RAD51B: variants seen among roughly 807,000 people sequenced by gnomAD.
The protein encoded by RAD51B is RAD51 paralog B.
In RAD51B, 38 loss-of-function variants were observed where a neutral mutation model predicts 42.2. The observed-to-expected ratio is 0.90, with a 90% CI of 0.70 to 1.18. RAD51B has a LOEUF of 1.18. Ranked by LOEUF, RAD51B falls within the 50% of genes most tolerant of loss-of-function variation. The pLI is 0.00. For synonymous variants in RAD51B, 154 were observed against 145.2 expected (o/e 1.06, Z -0.43); for missense variants, 373 against 400.7 (o/e 0.93, Z 0.59).
Position 68,462,509 on chromosome 14 carries a change from G to A in RAD51B, c.958-5663G>A, listed in dbSNP as rs555923606. 6.6e-5 allele frequency among the ~76,000 whole-genome samples: 10 copies of A among 152,316 alleles called. No individual in the cohort carries two copies. In the South Asian group the frequency reaches 2.1e-3, roughly 32 times the overall value. On this transcript the variant is annotated intron_variant, in intron 9 of 10. Coordinates refer to ENST00000471583, the MANE Select transcript of RAD51B (RefSeq NM_133510.4). ...GTAGTGGGATTGGGGATCCAGCATCGAGTACATATTGGATATACCTTAAAT... is the reference window on the plus strand; with the variant it reads ...GTAGTGGGATTGGGGATCCAGCATCAAGTACATATTGGATATACCTTAAAT...
At chr14:68,044,553 G>A (rs992168895) in intron 7 of RAD51B, among the ~76,000 whole-genome samples, 1 of 152,198 alleles carries the variant, frequency 6.6e-6, no homozygotes, top group African/African-American at 2.4e-5. Flanking sequence ...AATTTTTTTA[G>A]ATTTTGGTCA....
intron 11 of RAD51B, among the ~76,000 whole-genome samples, chr14:68,675,818 C>G (rs1893291048): frequency 6.6e-6 from 1 of 152,174 alleles, no homozygotes; most frequent in South Asian, 2.1e-4. Context: ...TCTTTATCTT[C>G]TCCCTGCTCC....
At chr14:68,359,890 A>G (rs547841703) in intron 8 of RAD51B, among the ~76,000 whole-genome samples, 14 of 152,232 alleles carry the variant, frequency 9.2e-5, no homozygotes, top group African/African-American at 3.4e-4. Flanking sequence ...AGGAAAAAAA[A>G]TTTGTCTACT....
At chr14:68,395,984 C>T (rs749083320) in intron 8 of RAD51B, among the ~76,000 whole-genome samples, 5 of 152,040 alleles carry the variant, frequency 3.3e-5, no homozygotes, top group Non-Finnish European at 5.9e-5. Flanking sequence ...AAGGATGTAC[C>T]AAGAATCCAC....
chr14:67,865,237 T>C, intron 5 of RAD51B, 98 bp downstream of exon 5: 2 of 1,157,722 alleles, frequency 1.7e-6, no homozygotes, highest in Non-Finnish European at 1.1e-6. Context: ...CCCCTCCCCC[T>C]TGCCTTTTTT....
chr14:68,615,910 A>C (rs533694610), downstream of RAD51B, among the ~76,000 whole-genome samples: 2 of 152,328 alleles, frequency 1.3e-5, no homozygotes, highest in South Asian at 4.1e-4. Context: ...TTACAAGTAC[A>C]TGTAACATAC....
chr14:68,168,215 G>A (rs2078793717), intron 7 of RAD51B, among the ~76,000 whole-genome samples: 2 of 152,132 alleles, frequency 1.3e-5, no homozygotes, highest in South Asian at 4.1e-4. Flanking sequence ...AAATTTAATA[G>A]AAATGGATCT....
chr14:67,951,523 G>C (rs1399181362), intron 7 of RAD51B, among the ~76,000 whole-genome samples: 1 of 152,164 alleles, frequency 6.6e-6, no homozygotes, highest in Non-Finnish European at 1.5e-5. Flanking sequence ...TTAAGCAGAA[G>C]AGTAACAGTA....
chr14:67,985,769 G>T (rs1013801178), intron 7 of RAD51B, among the ~76,000 whole-genome samples: 1 of 152,080 alleles, frequency 6.6e-6, no homozygotes, highest in African/African-American at 2.4e-5. Flanking sequence ...AATTAGCTTG[G>T]TGTGGTGGTG....
intron 7 of RAD51B, among the ~76,000 whole-genome samples, chr14:67,926,027 G>A (rs904496096): frequency 6.6e-6 from 1 of 152,182 alleles, no homozygotes; most frequent in Non-Finnish European, 1.5e-5. Context: ...CTCCTGGCCT[G>A]CGGTAGGAGG....
intron 7 of RAD51B, among the ~76,000 whole-genome samples, chr14:68,072,042 T>TATATATATATATATATATATATAA (rs2076747668): frequency 9.3e-6 from 1 of 107,576 alleles, no homozygotes; most frequent in African/African-American, 4.5e-5. Context: ...AGATTTTATA[T>TATATATATATATATATATATATAA]ATATATATAA....
At chr14:67,873,226 C>T (rs2042604399) in intron 5 of RAD51B, among the ~76,000 whole-genome samples, 1 of 152,138 alleles carries the variant, frequency 6.6e-6, no homozygotes, top group South Asian at 2.1e-4. Flanking sequence ...CTACAATGAA[C>T]TCAAACAATT....
intron 7 of RAD51B, among the ~76,000 whole-genome samples, chr14:68,185,184 C>T (rs1363028717): frequency 6.6e-6 from 1 of 152,050 alleles, no homozygotes; most frequent in Non-Finnish European, 1.5e-5. Context: ...GATTTTCAGC[C>T]CCACTACCTC....
At chr14:67,849,808 C>T (rs575997216) in intron 4 of RAD51B, among the ~76,000 whole-genome samples, 1 of 152,136 alleles carries the variant, frequency 6.6e-6, no homozygotes, top group South Asian at 2.1e-4. Flanking sequence ...GATTTTCAGT[C>T]TTTTCTTTTA....
intron 7 of RAD51B, among the ~76,000 whole-genome samples, chr14:67,955,502 T>C (rs1335957309): frequency 6.6e-6 from 1 of 152,226 alleles, no homozygotes; most frequent in Non-Finnish European, 1.5e-5. Context: ...AACTCTTGCT[T>C]CTGATTTCTT....
intron 7 of RAD51B, among the ~76,000 whole-genome samples, chr14:68,099,057 G>A (rs1185239753): frequency 1.3e-5 from 2 of 152,150 alleles, no homozygotes; most frequent in Admixed American, 6.5e-5. Context: ...TCAATATTAT[G>A]TCATAGTTCA....
chr14:68,037,044 CT>C (rs1192939771), intron 7 of RAD51B, among the ~76,000 whole-genome samples: 7 of 94,090 alleles, frequency 7.4e-5, no homozygotes, highest in African/African-American at 3.2e-4. Flanking sequence ...CCCCCCCTCC[CT>C]TCCTTCCTTC....
chr14:68,036,784 A>G (rs183793556), intron 7 of RAD51B, among the ~76,000 whole-genome samples: 1 of 152,184 alleles, frequency 6.6e-6, no homozygotes, highest in Non-Finnish European at 1.5e-5. Context: ...CATTGCAAAA[A>G]TCGATTAAAT....
At chr14:68,369,540 A>C (rs563372369) in intron 8 of RAD51B, among the ~76,000 whole-genome samples, 1 of 152,346 alleles carries the variant, frequency 6.6e-6, no homozygotes, top group Non-Finnish European at 1.5e-5. Flanking sequence ...TCTCAAGGGA[A>C]AACGTGTTTG....
Sources: allele counts gnomAD v4.1 joint callset (sites outside exome capture counted in the v4.1 genomes callset), GRCh38; gene constraint gnomAD v4.1.1; transcripts MANE v1.5; gene names NCBI Gene and HGNC (gene_info 2026-07-23, HGNC 2026-07-21).